STAG1: variants seen among roughly 807,000 people sequenced by gnomAD.
STAG1 encodes the protein STAG1 cohesin complex component.
Under a neutral mutation model 170.9 loss-of-function variants are expected in STAG1, and 26 were observed. That is an observed-to-expected ratio of 0.15 (90% CI 0.11 to 0.21). STAG1 has a LOEUF of 0.21. Among genes scored for constraint, STAG1 ranks in the 10% least tolerant of loss-of-function variants. STAG1 has a pLI of 1.00. For missense variants in STAG1, 964 were observed against 1,509.5 expected, an observed-to-expected ratio of 0.64 and a Z score of 5.99; for synonymous variants, 514 against 497.7, an observed-to-expected ratio of 1.03 and a Z score of -0.44.
chr3:136,435,495 C>T (rs1182299014), intron 15 of STAG1, among the ~76,000 whole-genome samples: 2 of 151,898 alleles, frequency 1.3e-5, no homozygotes, highest in East Asian at 3.9e-4. Context: ...TTAGTTAGTT[C>T]GTATTCACCA....
At chr3:136,605,716 T>A (rs548386972) in intron 3 of STAG1, among the ~76,000 whole-genome samples, 1 of 152,330 alleles carries the variant, frequency 6.6e-6, no homozygotes, top group East Asian at 1.9e-4. Flanking sequence ...GATAAGTGTC[T>A]CCAATGAGAG....
At chr3:136,418,229 G>A (rs767676970) in intron 20 of STAG1, among the ~76,000 whole-genome samples, 4 of 151,218 alleles carry the variant, frequency 2.6e-5, no homozygotes, top group African/African-American at 7.3e-5. Context: ...GCATGGTGGC[G>A]CATGACTGTA....
chr3:136,560,647 G>A (rs1465263263), intron 5 of STAG1, among the ~76,000 whole-genome samples: 1 of 152,100 alleles, frequency 6.6e-6, no homozygotes, highest in African/African-American at 2.4e-5. Flanking sequence ...GTTTCCAATG[G>A]TAAACAGAAT....
chr3:136,508,331 A>C (rs568250088), intron 7 of STAG1, among the ~76,000 whole-genome samples: 1 of 152,172 alleles, frequency 6.6e-6, no homozygotes, highest in Non-Finnish European at 1.5e-5. Flanking sequence ...TCATGCAATC[A>C]GTTGAAAGCT....
intron 3 of STAG1, among the ~76,000 whole-genome samples, chr3:136,618,066 A>G (rs1377652582): frequency 6.6e-6 from 1 of 152,210 alleles, no homozygotes; most frequent in Non-Finnish European, 1.5e-5. Flanking sequence ...CTTTTCAAAG[A>G]AAAGTATGTT....
chr3:136,409,258 T>A (rs537624792), intron 21 of STAG1, among the ~76,000 whole-genome samples: 7 of 151,996 alleles, frequency 4.6e-5, no homozygotes, highest in Non-Finnish European at 8.8e-5. Context: ...CACAAGACTC[T>A]GTCTCCAAAA....
chr3:136,459,439 G>A lies in STAG1; in HGVS notation c.1313+5442C>T, dbSNP rs201612232. ...AGGGGACTTCAACGTGCAATTTTCAGCAATGGGAAGATTATCCAGACGGAA... is the reference window on the plus strand; with the variant it reads ...AGGGGACTTCAACGTGCAATTTTCAACAATGGGAAGATTATCCAGACGGAA... On this transcript the variant is annotated intron_variant, in intron 13 of 33. Transcript: ENST00000383202. Among the ~76,000 whole-genome samples the A allele has an allele frequency of 5.3e-5, 8 of 152,176 alleles. No individual in the cohort carries two copies. The East Asian group carries it at 1.4e-3, about 26-fold the overall frequency.
intron 6 of STAG1, among the ~76,000 whole-genome samples, chr3:136,521,857 A>G (rs1466911048): frequency 2.0e-5 from 3 of 152,224 alleles, no homozygotes; most frequent in Admixed American, 2.0e-4. Flanking sequence ...TGAGAATTTC[A>G]AAAGTATAAG....
intron 1 of STAG1, among the ~76,000 whole-genome samples, chr3:136,658,188 T>C (rs1941458647): frequency 6.7e-6 from 1 of 149,720 alleles, no homozygotes; most frequent in African/African-American, 2.5e-5. Flanking sequence ...AGGTCCTGTA[T>C]CTTCCACCCA....
chr3:136,745,608 T>G (rs1404139362), intron 1 of STAG1, among the ~76,000 whole-genome samples: 1 of 152,144 alleles, frequency 6.6e-6, no homozygotes, highest in Non-Finnish European at 1.5e-5. Context: ...TGACAGGAGG[T>G]GGATGGAGCA....
At chr3:136,651,336 A>G (rs1941210179) in intron 1 of STAG1, among the ~76,000 whole-genome samples, 1 of 150,806 alleles carries the variant, frequency 6.6e-6, no homozygotes, top group African/African-American at 2.4e-5. Flanking sequence ...ACTGCACTCC[A>G]GCCTCAGTGA....
chr3:136,619,860 G>A (rs760551510), intron 3 of STAG1, among the ~76,000 whole-genome samples: 1 of 151,290 alleles, frequency 6.6e-6, no homozygotes, highest in Non-Finnish European at 1.5e-5. Flanking sequence ...GAGCCCAGGA[G>A]TTTAAGACCA....
At chr3:136,473,892 T>G (rs754358943) in intron 10 of STAG1, among the ~76,000 whole-genome samples, 6 of 152,166 alleles carry the variant, frequency 3.9e-5, no homozygotes, top group Non-Finnish European at 8.8e-5. Flanking sequence ...TGACTCAACA[T>G]GTGGTATAAC....
At chr3:136,484,020 TTGAA>T (rs2089946705) in intron 9 of STAG1, among the ~76,000 whole-genome samples, 1 of 91,480 alleles carries the variant, frequency 1.1e-5, no homozygotes, top group Non-Finnish European at 2.2e-5. Flanking sequence ...TGCCTTTGGT[TTGAA>T]TGTCCTCCCG....
chr3:136,706,998 AC>A lies in STAG1; in HGVS notation c.-84+45196del, dbSNP rs766072345. ...ATGGTATTGGGATAATGTGATACCC[AC>A]AAGCAAAAGAATGAAGTTGGACCCT... On this transcript the variant is annotated intron_variant, in intron 1 of 33. Transcript: ENST00000383202. 1.2e-3 allele frequency among the ~76,000 whole-genome samples: 183 copies of A among 152,368 alleles called. 1 individual carries two copies. The highest frequency in any genetic ancestry group is 2.6e-3 in the Admixed American group (40 of 15,290).
intron 28 of STAG1, among the ~76,000 whole-genome samples, chr3:136,355,699 A>G (rs1159646730): frequency 1.3e-5 from 2 of 152,234 alleles, no homozygotes; most frequent in Non-Finnish European, 2.9e-5. Flanking sequence ...AAGCCTCAAT[A>G]AATTTAAAAG....
At chr3:136,557,630 C>A (rs1936679801) in intron 5 of STAG1, among the ~76,000 whole-genome samples, 1 of 152,126 alleles carries the variant, frequency 6.6e-6, no homozygotes, top group Admixed American at 6.5e-5. Flanking sequence ...GTAACCTCCG[C>A]CTCCCAGGTT....
At position 136,452,126 on chromosome 3, in the gene STAG1, T is replaced by A. The variant is rs760830473; in HGVS notation, c.1335A>T (p.Pro445=). ...TCTTTGCTAATGCTTCTTCTGCTTG[T>A]GGGTCATGTCTGCTAAATAGCCTGG... is the stretch of plus-strand genomic sequence containing the variant. ...LHKKLFSRHD[P]QAEEALAKRR... The change falls in exon 14 of 34, where the codon CCA becomes CCT. Residue 445 remains proline (P), a synonymous_variant. Coordinates refer to ENST00000383202, the MANE Select transcript of STAG1 (RefSeq NM_005862.3). 3.7e-6 allele frequency: 6 copies of A among 1,613,248 alleles called. No individual in the cohort carries two copies. In the Admixed American group the frequency reaches 1.0e-4, roughly 27 times the overall value.
intron 16 of STAG1, among the ~76,000 whole-genome samples, chr3:136,427,023 G>A (rs1219883876): frequency 2.7e-5 from 4 of 149,986 alleles, no homozygotes; most frequent in Non-Finnish European, 5.9e-5. Context: ...TCGCGCCACC[G>A]CACTCCAGCC....
Sources: allele counts gnomAD v4.1 joint callset (sites outside exome capture counted in the v4.1 genomes callset), GRCh38; gene constraint gnomAD v4.1.1; transcripts MANE v1.5; gene names NCBI Gene and HGNC (gene_info 2026-07-23, HGNC 2026-07-21).